The following LINGO1 variants were observed in gnomAD, a reference collection of about 807,000 sequenced individuals.
The protein encoded by LINGO1 is leucine rich repeat and Ig domain containing 1.
In LINGO1, 11 loss-of-function variants were observed where a neutral mutation model predicts 37.3. That is an observed-to-expected ratio of 0.29 (90% CI 0.19 to 0.49). LINGO1 has a LOEUF of 0.49. LINGO1 is among the 20% of genes least tolerant of loss of function. The probability of loss-of-function intolerance (pLI) is 0.99; values close to 1 mark genes in which losing one functional copy is unlikely to be tolerated. For missense variants in LINGO1, 585 were observed against 878.2 expected (o/e 0.67, Z 4.22); for synonymous variants, 387 against 403.0 (o/e 0.96, Z 0.48).
chr15:77,703,934 G>A (rs1001639789), intron 2 of LINGO1, among the ~76,000 whole-genome samples: 13 of 152,218 alleles, frequency 8.5e-5, no homozygotes, highest in African/African-American at 3.1e-4. Context: ...TAGGAAGAGA[G>A]CTCTGCCAAA....
intron 1 of LINGO1, among the ~76,000 whole-genome samples, chr15:77,813,515 GA>G (rs774689164): frequency 4.6e-5 from 7 of 152,268 alleles, no homozygotes; most frequent in Admixed American, 1.3e-4. Flanking sequence ...CTGGGCTTGG[GA>G]AGGTCTGTCC....
intron 3 of LINGO1, among the ~76,000 whole-genome samples, chr15:77,643,168 TGG>T (rs1181221310): frequency 6.6e-6 from 1 of 152,238 alleles, no homozygotes; most frequent in African/African-American, 2.4e-5. Flanking sequence ...TGAGGGCAGC[TGG>T]GGCTGGCACT....
intron 2 of LINGO1, among the ~76,000 whole-genome samples, chr15:77,702,994 C>A (rs1169426061): frequency 6.6e-6 from 1 of 152,236 alleles, no homozygotes; most frequent in African/African-American, 2.4e-5. Context: ...GGAGAGAACC[C>A]ACTGGCTTTG....
chr15:77,652,871 C>T (rs1322339693), intron 3 of LINGO1, among the ~76,000 whole-genome samples: 1 of 152,198 alleles, frequency 6.6e-6, no homozygotes, highest in Non-Finnish European at 1.5e-5. Context: ...GTCGCCCCAC[C>T]TGGCTTTTGT....
At chr15:77,816,793 TG>T in intron 1 of LINGO1, among the ~76,000 whole-genome samples, 1 of 151,176 alleles carries the variant, frequency 6.6e-6, no homozygotes, top group Middle Eastern at 3.4e-3. Context: ...TTGGTTGGGG[TG>T]GGAGTGGAGG....
intron 1 of LINGO1, among the ~76,000 whole-genome samples, chr15:77,811,532 T>C (rs1485823265): frequency 6.9e-6 from 1 of 144,338 alleles, no homozygotes; most frequent in East Asian, 2.3e-4. Flanking sequence ...CCTGGGGTTT[T>C]CCTGGCTGTG....
At chr15:77,656,383 AAC>A (rs2074866399) in intron 3 of LINGO1, among the ~76,000 whole-genome samples, 1 of 152,110 alleles carries the variant, frequency 6.6e-6, no homozygotes, top group Non-Finnish European at 1.5e-5. Context: ...CTTCCTAAAA[AAC>A]ACAGAGAAAT....
At chr15:77,669,754 A>G (rs1429374202) in intron 3 of LINGO1, among the ~76,000 whole-genome samples, 1 of 148,790 alleles carries the variant, frequency 6.7e-6, no homozygotes, top group Non-Finnish European at 1.5e-5. Context: ...GTGAAGGGGC[A>G]AAGATAATGC....
chr15:77,719,978 G>A (rs1239423350), intron 2 of LINGO1, among the ~76,000 whole-genome samples: 1 of 150,240 alleles, frequency 6.7e-6, no homozygotes, highest in African/African-American at 2.4e-5. Flanking sequence ...TGAGGCTGGG[G>A]ACAGTGAAGC....
At chr15:77,658,855 G>A (rs2074925629) in intron 3 of LINGO1, among the ~76,000 whole-genome samples, 2 of 152,226 alleles carry the variant, frequency 1.3e-5, no homozygotes, top group African/African-American at 4.8e-5. Context: ...GGACGGAGTG[G>A]GAGAGGAGCA....
At chr15:77,709,417 G>A (rs781162482) in intron 2 of LINGO1, among the ~76,000 whole-genome samples, 13 of 152,210 alleles carry the variant, frequency 8.5e-5, no homozygotes, top group Non-Finnish European at 1.9e-4. Flanking sequence ...CCACCGATTT[G>A]GAAACTGAGG....
intron 3 of LINGO1, among the ~76,000 whole-genome samples, chr15:77,663,435 C>T (rs116354645): frequency 0.023 from 3,432 of 152,306 alleles, 117 homozygotes; most frequent in African/African-American, 0.074. Context: ...TGCCTGAGCT[C>T]ACTGGTGGGG....
intron 3 of LINGO1, among the ~76,000 whole-genome samples, chr15:77,646,961 G>A (rs2074645985): frequency 6.6e-6 from 1 of 152,218 alleles, no homozygotes; most frequent in South Asian, 2.1e-4. Context: ...CCACTTTACA[G>A]GGGAGGGAAC....
intron 2 of LINGO1, among the ~76,000 whole-genome samples, chr15:77,683,035 TAAGAAAAAGGCAAAAAGAA>T (rs568302145): frequency 6.6e-6 from 1 of 151,940 alleles, no homozygotes; most frequent in Admixed American, 6.5e-5. Context: ...TTTATATCAA[TAAGAAAAAGGCAAAAAGAA>T]AAGAAAAATG....
chr15:77,811,287 G>A (rs1051978600), intron 1 of LINGO1, among the ~76,000 whole-genome samples: 8 of 152,148 alleles, frequency 5.3e-5, no homozygotes, highest in Non-Finnish European at 7.3e-5. Context: ...TTTTCCTGAC[G>A]CTGCAGTTCC....
chr15:77,752,373 T>C (rs971192333), intron 1 of LINGO1, among the ~76,000 whole-genome samples: 1 of 152,200 alleles, frequency 6.6e-6, no homozygotes, highest in African/African-American at 2.4e-5. Context: ...GTGAAGACAT[T>C]ATTTCATCAT....
intron 3 of LINGO1, among the ~76,000 whole-genome samples, chr15:77,673,703 T>C (rs1027908575): frequency 3.3e-5 from 5 of 152,178 alleles, no homozygotes; most frequent in Non-Finnish European, 7.3e-5. Context: ...TGGCTTTAAA[T>C]ACTATCTTTA....
chr15:77,659,961 C>A (rs938455154), intron 3 of LINGO1: 3 of 152,360 alleles, frequency 2.0e-5, no homozygotes, highest in Admixed American at 6.5e-5. Context: ...GGCCTGGAAT[C>A]GTACCATTAT....
intron 1 of LINGO1, among the ~76,000 whole-genome samples, chr15:77,800,480 T>C (rs1278613576): frequency 2.6e-5 from 4 of 152,000 alleles, no homozygotes; most frequent in East Asian, 3.9e-4. Context: ...GAGCCGAAGA[T>C]GGAGATGGAG....
Sources: allele counts gnomAD v4.1 joint callset (sites outside exome capture counted in the v4.1 genomes callset), GRCh38; gene constraint gnomAD v4.1.1; transcripts MANE v1.5; gene names NCBI Gene and HGNC (gene_info 2026-07-23, HGNC 2026-07-21).